The following FYN variants were observed in gnomAD, a reference collection of about 807,000 sequenced individuals.
FYN encodes FYN proto-oncogene, Src family tyrosine kinase.
Under a neutral mutation model 70.2 loss-of-function variants are expected in FYN, and 10 were observed. The observed-to-expected ratio is 0.14, with a 90% CI of 0.09 to 0.24. The LOEUF (loss-of-function observed/expected upper bound fraction) is 0.24, where lower values mean the gene tolerates loss of function less well. Among genes scored for constraint, FYN ranks in the 10% least tolerant of loss-of-function variants. FYN has a pLI of 1.00. For missense variants in FYN, 319 were observed against 673.1 expected (o/e 0.47, Z 5.82); for synonymous variants, 236 against 248.6 (o/e 0.95, Z 0.48).
chr6:111,831,357 C>T (rs1327204), intron 2 of FYN, among the ~76,000 whole-genome samples: 28,091 of 152,086 alleles, frequency 0.18, 3,715 homozygotes, highest in African/African-American at 0.38. Context: ...AAGACTCCGA[C>T]TGACATTGGC....
intron 12 of FYN, among the ~76,000 whole-genome samples, chr6:111,679,198 T>C (rs1289593784): frequency 6.6e-6 from 1 of 152,234 alleles, no homozygotes; most frequent in Non-Finnish European, 1.5e-5. Flanking sequence ...CCTTAACCCA[T>C]GGCTAATTCT....
At chr6:111,778,539 C>T (rs1771039092) in intron 3 of FYN, among the ~76,000 whole-genome samples, 2 of 151,834 alleles carry the variant, frequency 1.3e-5, no homozygotes, top group South Asian at 4.2e-4. Flanking sequence ...GTATTCCTCA[C>T]TTTCTTTTTT....
intron 2 of FYN, among the ~76,000 whole-genome samples, chr6:111,843,365 C>T (rs1773422306): frequency 6.6e-6 from 1 of 152,162 alleles, no homozygotes; most frequent in Non-Finnish European, 1.5e-5. Flanking sequence ...AACTTGATTA[C>T]ATATTTTTCA....
intron 1 of FYN, among the ~76,000 whole-genome samples, chr6:111,872,349 G>A (rs1774300839): frequency 6.6e-6 from 1 of 150,936 alleles, no homozygotes; most frequent in Non-Finnish European, 1.5e-5. Context: ...GAGCAGAGGG[G>A]TGGGGGACAG....
chr6:111,696,666 A>G (rs982347429), intron 9 of FYN: 76 of 454,560 alleles, frequency 1.7e-4, no homozygotes, highest in Non-Finnish European at 2.7e-4. Flanking sequence ...AGATGGCTAT[A>G]TTAAGATTTA....
At position 111,719,886 on chromosome 6, in the gene FYN, C is replaced by T. The variant is rs1374104837; in HGVS notation, c.166G>A (p.Ala56Thr). The T allele has an allele frequency of 6.2e-7, 1 of 1,614,132 alleles. No individual in the cohort carries two copies. The highest frequency in any genetic ancestry group is 1.1e-5 in the South Asian group (1 of 91,078). ...AAGACGGTGAGTCCTTGGCCCCCGG[C>T]TGCGTGGAAGTTGTTGTAGTTGGGG... ...SIPNYNNFHA[A>T]GGQGLTVFGG... is the part of the protein sequence containing the mutation. The change falls in exon 4 of 14, where the codon GCC becomes ACC. Residue 56 changes from alanine to threonine, a missense_variant. Transcript: ENST00000354650.
In FYN at chr6:111,778,567, TTTTG is replaced by T. The variant is rs1444759293; in HGVS notation, c.-12+1995_-12+1998del. Among the ~76,000 whole-genome samples the T allele has an allele frequency of 2.6e-5, 4 of 151,914 alleles. No homozygotes were observed. In the East Asian group the frequency reaches 5.8e-4, roughly 22 times the overall value. ...TCTTTTTTTCTTTTTTCTTTCTTTC[TTTTG>T]TTTTTGTTTTTTTTTTAGATGGCGT... is the stretch of plus-strand genomic sequence containing the variant. On this transcript the variant is annotated intron_variant, in intron 3 of 13. Transcript: ENST00000354650.
At chr6:111,841,961 G>A (rs1193263661) in intron 2 of FYN, among the ~76,000 whole-genome samples, 5 of 151,566 alleles carry the variant, frequency 3.3e-5, no homozygotes, top group Non-Finnish European at 7.4e-5. Context: ...GTCTAAAACA[G>A]AATTCTAAGC....
chr6:111,727,134 T>A (rs940154225), intron 3 of FYN, among the ~76,000 whole-genome samples: 1 of 152,180 alleles, frequency 6.6e-6, no homozygotes, highest in Non-Finnish European at 1.5e-5. Flanking sequence ...CTCACCTCCA[T>A]CCCCAATGCA....
intron 2 of FYN, among the ~76,000 whole-genome samples, chr6:111,836,031 T>A (rs1326897116): frequency 6.6e-6 from 1 of 152,206 alleles, no homozygotes; most frequent in East Asian, 1.9e-4. Flanking sequence ...CCAGGCTGAA[T>A]GGATACCCTC....
intron 3 of FYN, among the ~76,000 whole-genome samples, chr6:111,735,899 C>A (rs968697940): frequency 6.6e-6 from 1 of 152,200 alleles, no homozygotes; most frequent in Non-Finnish European, 1.5e-5. Flanking sequence ...TACTTTGGAA[C>A]TATATAAGTG....
intron 13 of FYN, among the ~76,000 whole-genome samples, chr6:111,664,640 G>A (rs756823750): frequency 2.0e-5 from 3 of 152,160 alleles, no homozygotes; most frequent in Admixed American, 6.5e-5. Flanking sequence ...GGAGCCAGGG[G>A]ACAGGGCATA....
intron 2 of FYN, among the ~76,000 whole-genome samples, chr6:111,782,292 A>C (rs1011304441): frequency 1.6e-4 from 25 of 152,328 alleles, no homozygotes; most frequent in African/African-American, 6.0e-4. Context: ...CTCCTTCCAC[A>C]GTTAATAATG....
At chr6:111,797,812 G>T (rs997648632) in intron 2 of FYN, among the ~76,000 whole-genome samples, 1 of 151,476 alleles carries the variant, frequency 6.6e-6, no homozygotes, top group African/African-American at 2.4e-5. Context: ...GGCGAGGCTG[G>T]AGTGCAGTGG....
In FYN at chr6:111,707,907, C is replaced by A. The variant is rs748779284; in HGVS notation, c.443+15G>T. The A allele has an allele frequency of 1.3e-6, 2 of 1,599,046 alleles. No individual in the cohort carries two copies. The highest frequency in any genetic ancestry group is 2.2e-5 in the South Asian group (2 of 90,746). The stretch of plus-strand genomic sequence containing the variant: ...TTAAAATCAAGTAGTTAAGTGAAAA[C>A]AAAATGAAACATACTCTTCTGCCTG... On this transcript the variant is annotated intron_variant, in intron 6 of 13. Transcript: ENST00000354650.
intron 12 of FYN, among the ~76,000 whole-genome samples, chr6:111,689,653 T>C (rs985063056): frequency 1.3e-5 from 2 of 152,078 alleles, no homozygotes; most frequent in African/African-American, 4.8e-5. Flanking sequence ...CTCACAGACA[T>C]AATGGGAAAG....
intron 3 of FYN, among the ~76,000 whole-genome samples, chr6:111,731,273 C>A (rs1293437942): frequency 6.6e-6 from 1 of 152,230 alleles, no homozygotes; most frequent in Admixed American, 6.5e-5. Flanking sequence ...TAGTTCCAGT[C>A]AAGAAGATCC....
intron 13 of FYN, 66 bp downstream of exon 13, chr6:111,674,433 G>T (rs1290061149): frequency 2.4e-5 from 37 of 1,533,300 alleles, no homozygotes; most frequent in Non-Finnish European, 3.3e-5. Context: ...AGTGGATGAA[G>T]TTTTCCCAAA....
chr6:111,724,812 A>G (rs1801121611), intron 3 of FYN, among the ~76,000 whole-genome samples: 1 of 152,240 alleles, frequency 6.6e-6, no homozygotes, highest in South Asian at 2.1e-4. Flanking sequence ...AGTGACAGGT[A>G]AAGCCACATT....
Sources: allele counts gnomAD v4.1 joint callset (sites outside exome capture counted in the v4.1 genomes callset), GRCh38; gene constraint gnomAD v4.1.1; transcripts MANE v1.5; gene names NCBI Gene and HGNC (gene_info 2026-07-23, HGNC 2026-07-21).